Variants in PXK observed in about 807,000 individuals in gnomAD.
PXK encodes the protein PX domain containing serine/threonine kinase like.
Under a neutral mutation model 84.7 loss-of-function variants are expected in PXK, and 35 were observed. That is an observed-to-expected ratio of 0.41 (90% CI 0.32 to 0.55). PXK has a LOEUF of 0.55. PXK is among the 20% of genes least tolerant of loss of function. The pLI is 0.21. For synonymous variants in PXK, 253 were observed against 260.8 expected, an observed-to-expected ratio of 0.97 and a Z score of 0.29; for missense variants, 634 against 699.7, an observed-to-expected ratio of 0.91 and a Z score of 1.06.
In PXK at chr3:58,397,622, T is replaced by G. The variant is rs2057909904; in HGVS notation, c.1002T>G (p.Asp334Glu). 1 of 1,613,782 alleles carries G rather than the reference T, an allele frequency of 6.2e-7. No homozygotes were observed. The highest frequency in any genetic ancestry group is 1.3e-5 in the African/African-American group (1 of 74,916). Residue 334 changes from aspartate (D) to glutamate (E), a missense_variant, in exon 11 of 18, where the codon GAT becomes GAG. Around this residue, in one of 3 missense-constraint regions of PXK, gnomAD observed 8 missense variants for 30.9 expected, o/e 0.26. Coordinates refer to ENST00000356151, the MANE Select transcript of PXK (RefSeq NM_017771.5). The surrounding 1 kb of genome is among the most constrained non-coding windows in gnomAD (Gnocchi z 4.7). ...TTCCACAGACATTGGAAAGTGTGGA[T>G]GTCCACTGCTTTGGCCACTTACTGT... Reference protein sequence around the residue: ...FRKINTLESVDVHCFGHLLYE... With the variant: ...FRKINTLESVEVHCFGHLLYE...
chr3:58,405,546 G>T (rs927602426), intron 13 of PXK, among the ~76,000 whole-genome samples: 1 of 152,068 alleles, frequency 6.6e-6, no homozygotes, highest in African/African-American at 2.4e-5. Context: ...AGGCTTAGTG[G>T]CAGGTGCCTG....
At chr3:58,341,807 G>A (rs1447518508) in intron 1 of PXK, among the ~76,000 whole-genome samples, 1 of 151,648 alleles carries the variant, frequency 6.6e-6, no homozygotes, top group African/African-American at 2.4e-5. Flanking sequence ...GGGTTCCAGT[G>A]ATTCTTCTGC....
At position 58,425,060 on chromosome 3, in the gene PXK, T is replaced by G. The variant is rs1000024547; in HGVS notation, c.*100T>G. ...CCTGGGAAAGTAATTGCTGAGCCAG[T>G]ACAGCCACAAACAGTACTATTTTGC... On this transcript the variant is annotated 3_prime_UTR_variant, in exon 18 of 18. Transcript: ENST00000356151. 1.7e-5 allele frequency: 25 copies of G among 1,490,378 alleles called. No homozygotes were observed. In the Admixed American group the frequency reaches 2.8e-4, roughly 16 times the overall value. The allele number at this position is 1,490,378 out of a possible 1,614,324, so 92.3% of individuals were successfully genotyped here. A position where few individuals can be genotyped will look rare whatever the true frequency, so the allele number is the denominator to read the frequency against.
At chr3:58,420,711 A>T (rs2061698290) in intron 17 of PXK, 1 of 1,470,012 alleles carries the variant, frequency 6.8e-7, no homozygotes, top group African/African-American at 1.4e-5. Flanking sequence ...GAATATTTAA[A>T]TGAAATACAG....
At chr3:58,368,171 C>T (rs2108484399) in intron 2 of PXK, among the ~76,000 whole-genome samples, 1 of 152,146 alleles carries the variant, frequency 6.6e-6, no homozygotes, top group South Asian at 2.1e-4. Flanking sequence ...GTGTAGCCTT[C>T]CTTCCTCCTG....
chr3:58,333,686 A>G lies in PXK; in HGVS notation c.102+596A>G. 2.2e-6 allele frequency: 1 copy of G among 455,914 alleles called. No homozygotes were observed. Among genetic ancestry groups the G allele is most frequent in the South Asian group, 1.6e-5 (1 of 64,496 alleles). The allele number at this position is 455,914 out of a possible 1,614,324, so 28.2% of individuals were successfully genotyped here. On this transcript the variant is annotated intron_variant, in intron 1 of 17. Coordinates refer to ENST00000356151, the MANE Select transcript of PXK (RefSeq NM_017771.5). The surrounding 1 kb of genome is among the most constrained non-coding windows in gnomAD (Gnocchi z 5.4). ...GGCGGCAGTCGGGGCGCTGTTAAGCAGGTGTATGAATGTGCTTCTCTAACT... is the reference window on the plus strand; with the variant it reads ...GGCGGCAGTCGGGGCGCTGTTAAGCGGGTGTATGAATGTGCTTCTCTAACT...
At position 58,424,737 on chromosome 3, in the gene PXK, C is replaced by T. The variant is rs1388172881; in HGVS notation, c.1529-15C>T. ...TGTGGAGGTGAATACTGATTGTCCC[C>T]CTTTTCCTCCACAGGGATATCTGCA... On this transcript the variant is annotated splice_polypyrimidine_tract_variant and intron_variant, in intron 17 of 17. Coordinates refer to ENST00000356151, the MANE Select transcript of PXK (RefSeq NM_017771.5). The T allele has an allele frequency of 6.2e-7, 1 of 1,611,626 alleles. No homozygotes were observed. The highest frequency in any genetic ancestry group is 1.3e-5 in the African/African-American group (1 of 74,846).
rs1559887097 is a variant in PXK, at chr3:58,351,398, TGTGTGTGTGTGTGTGTG to T, written c.103-14475_103-14459del. Among the ~76,000 whole-genome samples the T allele has an allele frequency of 9.3e-4, 67 of 71,852 alleles. No individual in the cohort carries two copies. In the South Asian group the frequency reaches 0.026, roughly 28 times the overall value. The allele number at this position is 71,852 out of a possible 152,430, so 47.1% of individuals were successfully genotyped here. ...GTGCGCCACCACAGCTAGCTATTTG[TGTGTGTGTGTGTGTGTG>T]TGTGTGTGTGTGTGTGTGTATTTTT... On this transcript the variant is annotated intron_variant, in intron 1 of 17. Coordinates refer to ENST00000356151, the MANE Select transcript of PXK (RefSeq NM_017771.5).
At chr3:58,359,345 C>G (rs1267339388) in intron 1 of PXK, among the ~76,000 whole-genome samples, 2 of 151,890 alleles carry the variant, frequency 1.3e-5, no homozygotes, top group Non-Finnish European at 2.9e-5. Context: ...TCCTGACCAA[C>G]ATGGTGAAAC....
Position 58,416,248 on chromosome 3 carries a change from A to G in PXK, c.1528+3285A>G, listed in dbSNP as rs1463245807. On this transcript the variant is annotated intron_variant, in intron 17 of 17. Coordinates refer to ENST00000356151, the MANE Select transcript of PXK (RefSeq NM_017771.5). This position sits in a 1 kb window ranked among gnomAD's most constrained non-coding sequence, Gnocchi z 4.8. ...CTCTGGAGCTTTAACTTCCTTGGCTATTGTTCTTAAGCCACTTATTACCTT... is the reference window on the plus strand; with the variant it reads ...CTCTGGAGCTTTAACTTCCTTGGCTGTTGTTCTTAAGCCACTTATTACCTT... Among the ~76,000 whole-genome samples the G allele has an allele frequency of 6.6e-6, 1 of 152,176 alleles. No individual in the cohort carries two copies. The highest frequency in any genetic ancestry group is 2.4e-5 in the African/African-American group (1 of 41,442).
intron 1 of PXK, among the ~76,000 whole-genome samples, chr3:58,361,180 C>T (rs2098178353): frequency 6.6e-6 from 1 of 151,088 alleles, no homozygotes; most frequent in Non-Finnish European, 1.5e-5. Context: ...CCTGTAATCC[C>T]AGCTACTCGA....
intron 1 of PXK, among the ~76,000 whole-genome samples, chr3:58,349,776 T>C (rs2097888177): frequency 6.6e-6 from 1 of 152,230 alleles, no homozygotes; most frequent in Non-Finnish European, 1.5e-5. Flanking sequence ...TTCGTCACCC[T>C]ATCCACATTC....
intron 3 of PXK, among the ~76,000 whole-genome samples, chr3:58,373,051 C>T (rs2108575915): frequency 6.6e-6 from 1 of 151,284 alleles, no homozygotes; most frequent in South Asian, 2.1e-4. Flanking sequence ...GGCCCTGCCC[C>T]TTCCAGTGTT....
chr3:58,391,260 A>C (rs1286365611), intron 6 of PXK, 40 bp downstream of exon 6: 1 of 1,531,862 alleles, frequency 6.5e-7, no homozygotes, highest in Non-Finnish European at 9.0e-7. Context: ...CAGTGACTTT[A>C]GATGGGTTAA....
chr3:58,395,926 C>A (rs1402591012), intron 9 of PXK, among the ~76,000 whole-genome samples, 167 bp downstream of exon 9: 1 of 152,182 alleles, frequency 6.6e-6, no homozygotes, highest in Admixed American at 6.5e-5. Flanking sequence ...GAGACTAAGG[C>A]AACAGTCACT....
intron 17 of PXK, chr3:58,422,333 A>C: frequency 2.0e-6 from 2 of 985,318 alleles, no homozygotes; most frequent in Non-Finnish European, 2.4e-6. Flanking sequence ...CTGGTTGTAC[A>C]TAAGAGCCAC....
rs771030014 is a variant in PXK at position 58,410,139 on chromosome 3, A to C, written c.1445A>C (p.Tyr482Ser). The change falls in exon 16 of 18, where the codon TAC becomes TCC. Residue 482 changes from tyrosine to serine, a missense_variant. Around this residue, in one of 3 missense-constraint regions of PXK, gnomAD observed 273 missense variants for 283.6 expected, o/e 0.96. Transcript: ENST00000356151. ...LENSEEHSAK[Y>S]SNSNNSAGSG... ...AATAGTGAAGAGCATTCAGCGAAGT[A>C]CAGCAACTCCAATAATTCAGGTAAC... The C allele has an allele frequency of 1.3e-6, 2 of 1,596,200 alleles. No homozygotes were observed. Among genetic ancestry groups the C allele is most frequent in the Non-Finnish European group, 1.7e-6 (2 of 1,163,516 alleles).
intron 1 of PXK, among the ~76,000 whole-genome samples, chr3:58,336,071 A>ATATATTTTTT (rs1284780630): frequency 1.9e-5 from 1 of 51,584 alleles, no homozygotes; most frequent in African/African-American, 1.0e-4. Context: ...ATATATATAT[A>ATATATTTTTT]TTTTTTTTTT....
intron 1 of PXK, among the ~76,000 whole-genome samples, chr3:58,360,938 T>C (rs1419723613): frequency 6.6e-6 from 1 of 152,126 alleles, no homozygotes; most frequent in African/African-American, 2.4e-5. Flanking sequence ...GTGTATAAAC[T>C]GGAGGCTGCT....
Sources: allele counts gnomAD v4.1 joint callset (sites outside exome capture counted in the v4.1 genomes callset), GRCh38; gene constraint gnomAD v4.1.1; regional missense constraint gnomAD v4.1.1; non-coding constraint Gnocchi (gnomAD v3.1); transcripts MANE v1.5; gene names NCBI Gene and HGNC (gene_info 2026-07-23, HGNC 2026-07-21).